Variants in NFATC1 observed in about 807,000 individuals in gnomAD.
NFATC1 encodes nuclear factor of activated T-cells, cytoplasmic 1.
Under a neutral mutation model 76.0 loss-of-function variants are expected in NFATC1, and 22 were observed. That is an observed-to-expected ratio of 0.29 (90% CI 0.21 to 0.41). NFATC1 has a LOEUF of 0.41. Ranked by LOEUF, NFATC1 falls within the 10% of genes least tolerant of loss-of-function variation. NFATC1 has a pLI of 1.00. For missense variants in NFATC1, 1,357 were observed against 1,337.7 expected (o/e 1.01, Z -0.23); for synonymous variants, 704 against 613.1 (o/e 1.15, Z -2.19).
rs568932357 is a variant in NFATC1, at chr18:79,458,797, C to T, written c.1904-2514C>T. ...GGAGCCGCCATGGCGATGCTCTTGCCGGCGGGACGCGGCCCTGCGTCTCCT... is the reference window on the plus strand; with the variant it reads ...GGAGCCGCCATGGCGATGCTCTTGCTGGCGGGACGCGGCCCTGCGTCTCCT... On this transcript the variant is annotated intron_variant, in intron 6 of 9. Transcript: ENST00000427363. Among the ~76,000 whole-genome samples, 4 of 152,378 alleles carry T rather than the reference C, an allele frequency of 2.6e-5. No individual in the cohort carries two copies. In the East Asian group the frequency reaches 7.7e-4, roughly 29 times the overall value.
chr18:79,450,647 G>T (rs1019003263), intron 4 of NFATC1, among the ~76,000 whole-genome samples: 10 of 152,130 alleles, frequency 6.6e-5, no homozygotes, highest in African/African-American at 2.4e-4. Flanking sequence ...GGACCCGCTT[G>T]GTCAGGGGTG....
intron 1 of NFATC1, among the ~76,000 whole-genome samples, chr18:79,405,840 C>T (rs1312875210): frequency 6.6e-6 from 1 of 152,156 alleles, no homozygotes. Flanking sequence ...TAAATAAAGG[C>T]CCTCGGGTGC....
At chr18:79,400,797 CCGCGTCCCG>C (rs2148130035) in intron 1 of NFATC1, among the ~76,000 whole-genome samples, 2 of 133,792 alleles carry the variant, frequency 1.5e-5, no homozygotes, top group Non-Finnish European at 3.3e-5. Flanking sequence ...TCTCCCCGCC[CCGCGTCCCG>C]CCCTCCCGAC....
intron 9 of NFATC1, among the ~76,000 whole-genome samples, chr18:79,512,389 C>G (rs1026056191): frequency 6.6e-6 from 1 of 152,172 alleles, no homozygotes; most frequent in East Asian, 1.9e-4. Flanking sequence ...TTTATGAGAA[C>G]GGCAGCCACT....
intron 9 of NFATC1, chr18:79,493,496 T>C (rs1048757975): frequency 6.6e-6 from 1 of 150,548 alleles, no homozygotes; most frequent in Non-Finnish European, 1.5e-5. Flanking sequence ...GCCCTTTCAG[T>C]CCCTCAGAAG....
At chr18:79,401,776 G>A (rs1029901819) in intron 1 of NFATC1, among the ~76,000 whole-genome samples, 7 of 152,192 alleles carry the variant, frequency 4.6e-5, no homozygotes, top group East Asian at 1.9e-4. Flanking sequence ...TGCAGTCATC[G>A]GGGGTCGGGT....
chr18:79,400,132 C>T, intron 1 of NFATC1: 1 of 951,460 alleles, frequency 1.1e-6, no homozygotes, highest in Non-Finnish European at 1.3e-6. Context: ...CGGTCGCGCG[C>T]GCGCGAGGGG....
At chr18:79,520,792 G>GA (rs1569052948) in intron 9 of NFATC1, among the ~76,000 whole-genome samples, 4 of 70,174 alleles carry the variant, frequency 5.7e-5, no homozygotes, top group Non-Finnish European at 1.1e-4. Flanking sequence ...TGTGTGGGGG[G>GA]GCATCCACTG....
chr18:79,442,712 C>T (rs2087030839), intron 3 of NFATC1, among the ~76,000 whole-genome samples: 1 of 152,200 alleles, frequency 6.6e-6, no homozygotes, highest in Non-Finnish European at 1.5e-5. Flanking sequence ...TCCTGGGGAG[C>T]TTCTGCTCCG....
At chr18:79,467,672 C>T (rs753677557) in intron 8 of NFATC1, 90 bp downstream of exon 8, 67 of 1,573,326 alleles carry the variant, frequency 4.3e-5, no homozygotes, top group Non-Finnish European at 5.4e-5. Flanking sequence ...CGTAAAGCAG[C>T]GTGGCGTGTT....
Position 79,487,946 on chromosome 18 carries a change from G to A in NFATC1, c.2782+1009G>A, listed in dbSNP as rs74765258. ...TCGGAGGCACAGTGAGTCCTCCCAA[G>A]TGTATGACGTTTCCCAGGCCCGGGT... On this transcript the variant is annotated intron_variant, in intron 9 of 9. Coordinates refer to ENST00000427363, the MANE Select transcript of NFATC1 (RefSeq NM_001278669.2). Among the ~76,000 whole-genome samples the A allele has an allele frequency of 5.0e-3, 764 of 152,318 alleles. 6 individuals carry two copies. Among genetic ancestry groups the A allele is most frequent in the Non-Finnish European group, 9.6e-3 (652 of 68,000 alleles).
chr18:79,504,086 G>A (rs552554830), intron 9 of NFATC1, among the ~76,000 whole-genome samples: 8 of 151,952 alleles, frequency 5.3e-5, no homozygotes, highest in Non-Finnish European at 1.2e-4. Flanking sequence ...GACTTTCTCT[G>A]TATCAGCAAT....
intron 9 of NFATC1, among the ~76,000 whole-genome samples, chr18:79,504,602 G>A (rs2090083926): frequency 6.6e-6 from 1 of 152,266 alleles, no homozygotes. Flanking sequence ...ACGTGACACA[G>A]AGATATGAAG....
chr18:79,516,349 G>C (rs570821730), intron 9 of NFATC1, among the ~76,000 whole-genome samples: 1 of 152,208 alleles, frequency 6.6e-6, no homozygotes, highest in Non-Finnish European at 1.5e-5. Flanking sequence ...GGCTGAAATA[G>C]GTCCTGGACT....
chr18:79,474,656 T>G (rs1201304897), intron 8 of NFATC1, among the ~76,000 whole-genome samples: 3 of 142,234 alleles, frequency 2.1e-5, no homozygotes, highest in Non-Finnish European at 4.6e-5. Context: ...ACTGTCAACG[T>G]TGTAAACCTG....
chr18:79,397,951 C>G (rs2085061984), intron 1 of NFATC1, among the ~76,000 whole-genome samples: 3 of 152,168 alleles, frequency 2.0e-5, no homozygotes, highest in Admixed American at 2.0e-4. Flanking sequence ...CTGGGCCAGC[C>G]GGAAAGTGTG....
chr18:79,499,330 AAT>A (rs2089964905), intron 9 of NFATC1, among the ~76,000 whole-genome samples: 1 of 136,408 alleles, frequency 7.3e-6, no homozygotes, highest in Non-Finnish European at 1.7e-5. Flanking sequence ...CCACTAAGAA[AAT>A]ATATATGTGT....
In NFATC1 at chr18:79,410,595, C is replaced by A; in HGVS notation, c.320C>A (p.Thr107Asn). 2 of 1,612,704 alleles carry A rather than the reference C, an allele frequency of 1.2e-6. No homozygotes were observed. The highest frequency in any genetic ancestry group is 1.7e-6 in the Non-Finnish European group (2 of 1,179,996). The change falls in exon 2 of 10, where the codon ACC becomes AAC. Residue 107 changes from threonine (T) to asparagine (N), a missense_variant. Physicochemically the swap from Thr to Asn is moderately conservative, Grantham distance 65. This residue lies in a region of NFATC1 where 691 missense variants were observed against 613.1 expected (regional missense o/e 1.13). Transcript: ENST00000427363. This position sits in a 1 kb window ranked among gnomAD's most constrained non-coding sequence, Gnocchi z 6.7. Reference protein sequence around the residue: ...PAGYFLSSGHTRPDGAPALES... With the variant: ...PAGYFLSSGHNRPDGAPALES... The stretch of plus-strand genomic sequence containing the variant: ...GGCTACTTCCTCTCCTCCGGCCACA[C>A]CAGGCCTGATGGGGCCCCTGCCCTG...
At chr18:79,396,704 G>A (rs2148112491) in intron 1 of NFATC1, among the ~76,000 whole-genome samples, 1 of 152,328 alleles carries the variant, frequency 6.6e-6, no homozygotes, top group South Asian at 2.1e-4. Context: ...GAGGGAGGAA[G>A]GGAGGCTTCC....
Sources: gnomAD v4.1 joint callset for allele counts (sites outside exome capture counted in the v4.1 genomes callset) on GRCh38, gnomAD v4.1.1 for gene constraint, gnomAD v4.1.1 regional missense constraint, Gnocchi (gnomAD v3.1) non-coding constraint, MANE v1.5 for transcripts, NCBI Gene and HGNC (gene_info 2026-07-23, HGNC 2026-07-21) for gene names.